The following KLHL18 variants were observed in gnomAD, a reference collection of about 807,000 sequenced individuals.
KLHL18 encodes kelch like family member 18.
A neutral mutation model predicts 58.5 loss-of-function variants in KLHL18; 38 were observed. The ratio of observed to expected loss-of-function variants is 0.65; its 90% CI spans 0.50 to 0.85. The LOEUF (loss-of-function observed/expected upper bound fraction) is 0.85. Among genes scored for constraint, KLHL18 ranks in the 40% least tolerant of loss-of-function variants. The pLI is 0.00. For missense variants in KLHL18, 624 were observed against 778.4 expected (o/e 0.80, Z 2.36); for synonymous variants, 303 against 301.9 (o/e 1.00, Z -0.04).
intron 1 of KLHL18, among the ~76,000 whole-genome samples, chr3:47,311,048 C>G (rs1310926182): frequency 6.6e-6 from 1 of 151,188 alleles, no homozygotes; most frequent in African/African-American, 2.4e-5. Context: ...CTCGCTCTGT[C>G]GCCCAGGCTG....
At position 47,316,565 on chromosome 3, in the gene KLHL18, GTA is replaced by G. The variant is rs1187318933; in HGVS notation, c.130-3084_130-3083del. On this transcript the variant is annotated intron_variant, in intron 1 of 9. Coordinates refer to ENST00000232766, the MANE Select transcript of KLHL18 (RefSeq NM_025010.5). ...CATATATACATATATACATATATAT[GTA>G]TATGTGTGTATATATATACATATAT... is the stretch of plus-strand genomic sequence containing the variant. Among the ~76,000 whole-genome samples, 3 of 54,850 alleles carry G rather than the reference GTA, an allele frequency of 5.5e-5. 1 individual carries two copies. The highest frequency in any genetic ancestry group is 9.0e-5 in the Non-Finnish European group (3 of 33,260). The allele number at this position is 54,850 out of a possible 152,430, so 36.0% of individuals were successfully genotyped here.
intron 7 of KLHL18, chr3:47,338,406 A>G (rs1704032951): frequency 6.6e-6 from 1 of 152,160 alleles, no homozygotes; most frequent in Non-Finnish European, 1.5e-5. Flanking sequence ...TAAATTTGTG[A>G]TCTTCCCACA....
intron 1 of KLHL18, among the ~76,000 whole-genome samples, chr3:47,306,703 T>C (rs1345265818): frequency 6.6e-6 from 1 of 152,226 alleles, no homozygotes; most frequent in East Asian, 1.9e-4. Flanking sequence ...CATGTTAGTA[T>C]TGGCATTATT....
chr3:47,293,897 TTA>T (rs945421500), intron 1 of KLHL18, among the ~76,000 whole-genome samples: 1 of 152,084 alleles, frequency 6.6e-6, no homozygotes, highest in African/African-American at 2.4e-5. Flanking sequence ...TCATCCTCTC[TTA>T]TGTGTATTTT....
chr3:47,322,650 G>T lies in KLHL18; in HGVS notation c.343G>T (p.Ala115Ser). The T allele has an allele frequency of 6.2e-7, 1 of 1,605,740 alleles. No individual in the cohort carries two copies. Among genetic ancestry groups the T allele is most frequent in the Non-Finnish European group, 8.5e-7 (1 of 1,176,476 alleles). Residue 115 changes from alanine to serine, a missense_variant, in exon 3 of 10, where the codon GCG becomes TCG. Ala to Ser is a moderately conservative substitution (Grantham distance 99, BLOSUM62 1). Transcript: ENST00000232766. ...QQNVQSLLMG[A>S]SFLQLQSIKD... ...AAATGTCCAGTCATTGCTGATGGGG[G>T]CGAGCTTCCTGCAGCTGCAGAGCAT... is the stretch of plus-strand genomic sequence containing the variant.
chr3:47,288,136 G>A (rs1216842824), intron 1 of KLHL18, among the ~76,000 whole-genome samples: 5 of 148,648 alleles, frequency 3.4e-5, no homozygotes, highest in Non-Finnish European at 7.4e-5. Context: ...CAGCAGAATC[G>A]CTTGAACCTG....
intron 1 of KLHL18, among the ~76,000 whole-genome samples, chr3:47,310,072 T>A (rs1167066310): frequency 6.6e-6 from 1 of 152,186 alleles, no homozygotes; most frequent in Non-Finnish European, 1.5e-5. Flanking sequence ...AACAGTAGTA[T>A]CAAAATGTTT....
chr3:47,309,711 T>G (rs932378451), intron 1 of KLHL18, among the ~76,000 whole-genome samples: 1 of 152,160 alleles, frequency 6.6e-6, no homozygotes, highest in Non-Finnish European at 1.5e-5. Context: ...CTGGGCAACA[T>G]TGAGCACTGA....
intron 9 of KLHL18, among the ~76,000 whole-genome samples, 200 bp downstream of exon 9, chr3:47,343,030 G>C (rs553355459): frequency 2.0e-5 from 3 of 152,262 alleles, no homozygotes; most frequent in Admixed American, 6.5e-5. Flanking sequence ...AAGGGCAAAG[G>C]GTAGTCACAT....
At chr3:47,319,845 C>T (rs1043932660) in intron 2 of KLHL18, 62 bp downstream of exon 2, 25 of 1,582,920 alleles carry the variant, frequency 1.6e-5, no homozygotes, top group East Asian at 2.3e-5. Context: ...AGCCTGTGCA[C>T]GGTTCCGTTG....
chr3:47,319,138 A>C (rs937631324), intron 1 of KLHL18, among the ~76,000 whole-genome samples: 1 of 152,210 alleles, frequency 6.6e-6, no homozygotes, highest in Non-Finnish European at 1.5e-5. Context: ...CTAGCCATAC[A>C]GAGCAGCAGC....
intron 1 of KLHL18, among the ~76,000 whole-genome samples, chr3:47,309,981 G>T (rs1425550234): frequency 6.6e-6 from 1 of 151,700 alleles, no homozygotes; most frequent in Non-Finnish European, 1.5e-5. Flanking sequence ...GAGACCGTGG[G>T]GAGAGGGAGG....
intron 4 of KLHL18, among the ~76,000 whole-genome samples, chr3:47,331,642 A>C (rs1703863485): frequency 6.6e-6 from 1 of 150,616 alleles, no homozygotes. Flanking sequence ...TATGTTGGCC[A>C]GGCTGTTCTC....
intron 3 of KLHL18, among the ~76,000 whole-genome samples, chr3:47,323,920 T>C (rs1244277581): frequency 6.6e-6 from 1 of 152,192 alleles, no homozygotes; most frequent in Non-Finnish European, 1.5e-5. Flanking sequence ...TCTGTTCATA[T>C]CCTGCCCACA....
Position 47,334,848 on chromosome 3 carries a change from T to C in KLHL18, c.898+29T>C, listed in dbSNP as rs1185602908. 1.9e-6 allele frequency: 3 copies of C among 1,587,848 alleles called. No individual in the cohort carries two copies. The South Asian group carries it at 3.4e-5, about 18-fold the overall frequency. ...CCTTGCGGCTCCCCTTTATAGACCCTCCTCTTGGACTCCATGGATGAGGAA... is the reference window on the plus strand; with the variant it reads ...CCTTGCGGCTCCCCTTTATAGACCCCCCTCTTGGACTCCATGGATGAGGAA... On this transcript the variant is annotated intron_variant, in intron 6 of 9. Coordinates refer to ENST00000232766, the MANE Select transcript of KLHL18 (RefSeq NM_025010.5). The surrounding 1 kb of genome is among the most constrained non-coding windows in gnomAD (Gnocchi z 4.7).
At chr3:47,302,729 C>T (rs1703054307) in intron 1 of KLHL18, among the ~76,000 whole-genome samples, 1 of 152,198 alleles carries the variant, frequency 6.6e-6, no homozygotes, top group Non-Finnish European at 1.5e-5. Flanking sequence ...TCATTTCTAT[C>T]TGACTTTTTG....
At chr3:47,329,448 T>G (rs1159053944) in intron 3 of KLHL18, among the ~76,000 whole-genome samples, 1 of 152,150 alleles carries the variant, frequency 6.6e-6, no homozygotes, top group Non-Finnish European at 1.5e-5. Context: ...AGGATGGTCT[T>G]GATCTCGTGA....
In KLHL18 at chr3:47,344,731, A is replaced by G. The variant is rs754026195; in HGVS notation, c.*790A>G. Reference sequence around the variant, plus strand: ...CATAAAAGACACTAACGGCAAATCTATGTTTAAATGGAAAATCGTCTAACT... The same window carrying G: ...CATAAAAGACACTAACGGCAAATCTGTGTTTAAATGGAAAATCGTCTAACT... On this transcript the variant is annotated 3_prime_UTR_variant, in exon 10 of 10. Transcript: ENST00000232766. 3.3e-5 allele frequency: 5 copies of G among 152,680 alleles called. No individual in the cohort carries two copies. The highest frequency in any genetic ancestry group is 4.8e-5 in the African/African-American group (2 of 41,472). The allele number at this position is 152,680 out of a possible 1,614,324, so 9.5% of individuals were successfully genotyped here.
chr3:47,303,020 A>T (rs564170244), intron 1 of KLHL18, among the ~76,000 whole-genome samples: 1 of 152,160 alleles, frequency 6.6e-6, no homozygotes, highest in Admixed American at 6.5e-5. Flanking sequence ...TTTCTCAAAG[A>T]TCTATATCTT....
Sources: gnomAD v4.1 joint callset for allele counts (sites outside exome capture counted in the v4.1 genomes callset) on GRCh38, gnomAD v4.1.1 for gene constraint, Gnocchi (gnomAD v3.1) non-coding constraint, MANE v1.5 for transcripts, NCBI Gene and HGNC (gene_info 2026-07-23, HGNC 2026-07-21) for gene names.